HMGCS2: variants seen among roughly 807,000 people sequenced by gnomAD.
HMGCS2 encodes the protein hydroxymethylglutaryl-CoA synthase, mitochondrial.
HMGCS2 carries 50 observed loss-of-function variants against 57.4 expected under a neutral mutation model. The ratio of observed to expected loss-of-function variants is 0.87; its 90% confidence interval spans 0.69 to 1.10. HMGCS2 has a LOEUF of 1.10. Among genes scored for constraint, HMGCS2 ranks in the 50% least tolerant of loss-of-function variants. The pLI, the probability that HMGCS2 is intolerant of heterozygous loss-of-function variation, is 0.00. For synonymous variants in HMGCS2, 254 were observed against 245.1 expected (o/e 1.04, Z -0.34); for missense variants, 627 against 636.5 (o/e 0.99, Z 0.16).
chr1:119,754,069 T>C (rs1356959942), intron 6 of HMGCS2, among the ~76,000 whole-genome samples: 1 of 151,386 alleles, frequency 6.6e-6, no homozygotes, highest in Non-Finnish European at 1.5e-5. Context: ...TTTTTTTTTT[T>C]TTTTTGAGAC....
At position 119,759,862 on chromosome 1, in the gene HMGCS2, A is replaced by T. The variant is rs796051979; in HGVS notation, c.685+2T>A. On this transcript the variant is annotated splice_donor_variant, in intron 3 of 9. Transcript: ENST00000369406. LOFTEE classifies it high-confidence loss of function. ...GCCTCTTGGTAATGGATTACTACAA[A>T]CCTCGCTCCAGGGCCAGAGGGGCCT... 3.7e-6 allele frequency: 6 copies of T among 1,613,762 alleles called. No individual in the cohort carries two copies. In the Admixed American group the frequency reaches 1.0e-4, roughly 27 times the overall value.
intron 2 of HMGCS2, among the ~76,000 whole-genome samples, chr1:119,761,680 G>A (rs756589108): frequency 2.2e-4 from 33 of 151,928 alleles, no homozygotes; most frequent in Admixed American, 3.9e-4. Context: ...CAGAAGAATC[G>A]CTTGAACCTG....
In HMGCS2 at chr1:119,753,410, A is replaced by AACAC. The variant is rs71074435; in HGVS notation, c.1188-28_1188-25dup. 12,153 of 745,684 alleles carry AACAC rather than the reference A, an allele frequency of 0.016. 49 individuals carry two copies. Among genetic ancestry groups the AACAC allele is most frequent in the African/African-American group, 0.032 (1,779 of 56,312 alleles). 46.2% of individuals were successfully genotyped at this position (745,684 alleles called of 1,614,324 possible). ...GGCTGTGGGGAAAGAAATCAAATAA[A>AACAC]ACACACACACACACACACACACACA... On this transcript the variant is annotated intron_variant, in intron 6 of 9. Transcript: ENST00000369406.
intron 2 of HMGCS2, among the ~76,000 whole-genome samples, chr1:119,761,404 G>A (rs1227048723): frequency 5.0e-4 from 76 of 151,942 alleles, no homozygotes; most frequent in Admixed American, 4.9e-3. Flanking sequence ...AAGACAAATT[G>A]GGGGAGTATT....
chr1:119,753,137 C>G (rs1181305267), intron 7 of HMGCS2, 143 bp downstream of exon 7: 1 of 696,736 alleles, frequency 1.4e-6, no homozygotes, highest in Non-Finnish European at 2.6e-6. Flanking sequence ...TTACTCCATG[C>G]TTAAATCCCT....
rs1652524937 is a variant in HMGCS2, at chr1:119,748,275, C to T, written c.*572G>A. The T allele has an allele frequency of 1.3e-5, 2 of 152,220 alleles. No homozygotes were observed. The highest frequency in any genetic ancestry group is 4.1e-4 in the South Asian group (2 of 4,836). 9.4% of individuals were successfully genotyped at this position (152,220 alleles called of 1,614,324 possible). On this transcript the variant is annotated 3_prime_UTR_variant, in exon 10 of 10. Transcript: ENST00000369406. Reference sequence around the variant, plus strand: ...GAATGGAATTGCAAGGGGACAGAGGCAGCCTGTGAGGCAAGGACCCAGCCC... The same window carrying T: ...GAATGGAATTGCAAGGGGACAGAGGTAGCCTGTGAGGCAAGGACCCAGCCC...
At chr1:119,767,010 C>A (rs1368720820) in intron 1 of HMGCS2, among the ~76,000 whole-genome samples, 1 of 152,098 alleles carries the variant, frequency 6.6e-6, no homozygotes, top group East Asian at 1.9e-4. Flanking sequence ...CAAGAACATG[C>A]ACCACACCTT....
At chr1:119,764,952 C>T (rs1342905381) in intron 1 of HMGCS2, among the ~76,000 whole-genome samples, 1 of 152,178 alleles carries the variant, frequency 6.6e-6, no homozygotes, top group Non-Finnish European at 1.5e-5. Flanking sequence ...TTATCTTTAA[C>T]ATACATCTCT....
intron 3 of HMGCS2, chr1:119,759,558 C>T: frequency 1.7e-6 from 1 of 576,570 alleles, no homozygotes. Flanking sequence ...CACTTTATAT[C>T]CAGTTATATA....
Position 119,761,632 on chromosome 1 carries a change from G to C in HMGCS2, c.560-1643C>G, listed in dbSNP as rs1166686057. On this transcript the variant is annotated intron_variant, in intron 2 of 9. Coordinates refer to ENST00000369406, the MANE Select transcript of HMGCS2 (RefSeq NM_005518.4). ...TACAAAAAATGAGCCGGGTGTGGTGGTGGGGTCCTGTAGTCCCAGCTACTC... is the reference window on the plus strand; with the variant it reads ...TACAAAAAATGAGCCGGGTGTGGTGCTGGGGTCCTGTAGTCCCAGCTACTC... 2.0e-5 allele frequency among the ~76,000 whole-genome samples: 3 copies of C among 152,192 alleles called. No individual in the cohort carries two copies. In the East Asian group the frequency reaches 5.8e-4, roughly 29 times the overall value.
chr1:119,759,655 T>C (rs1237974497), intron 3 of HMGCS2, among the ~76,000 whole-genome samples: 1 of 152,194 alleles, frequency 6.6e-6, no homozygotes, highest in Non-Finnish European at 1.5e-5. Context: ...TCCCAATGCC[T>C]GATGATGCAA....
chr1:119,755,221 G>A (rs918090436), intron 6 of HMGCS2, among the ~76,000 whole-genome samples: 5 of 152,028 alleles, frequency 3.3e-5, no homozygotes, highest in East Asian at 1.9e-4. Context: ...TTGCCCAGGC[G>A]GGTCTCGAAC....
intron 6 of HMGCS2, among the ~76,000 whole-genome samples, chr1:119,754,893 A>G (rs966522691): frequency 6.6e-6 from 1 of 152,202 alleles, no homozygotes; most frequent in Non-Finnish European, 1.5e-5. Flanking sequence ...CCTTGACATC[A>G]TGTACTTCAC....
At chr1:119,760,874 A>G (rs1303244888) in intron 2 of HMGCS2, among the ~76,000 whole-genome samples, 3 of 151,958 alleles carry the variant, frequency 2.0e-5, no homozygotes, top group Non-Finnish European at 2.9e-5. Flanking sequence ...TCCCCATCCT[A>G]CAGATGAAGA....
intron 5 of HMGCS2, among the ~76,000 whole-genome samples, chr1:119,756,473 G>GT (rs1652840947): frequency 6.6e-6 from 1 of 152,142 alleles, no homozygotes; most frequent in Admixed American, 6.5e-5. Context: ...GTTTTAGTTA[G>GT]TGGCAGGGTT....
chr1:119,759,472 T>C (rs1652962573), intron 3 of HMGCS2, 190 bp from the exon 4 acceptor site: 9 of 656,376 alleles, frequency 1.4e-5, no homozygotes. Context: ...AAATGAGATG[T>C]ATATTTCCCT....
At chr1:119,750,720 C>A in intron 9 of HMGCS2, 77 bp downstream of exon 9, 2 of 905,428 alleles carry the variant, frequency 2.2e-6, no homozygotes, top group East Asian at 2.5e-5. Context: ...CACCTGTCCC[C>A]ACCTTCTCTC....
intron 2 of HMGCS2, among the ~76,000 whole-genome samples, chr1:119,760,741 G>A (rs1653008984): frequency 6.6e-6 from 1 of 152,120 alleles, no homozygotes; most frequent in Admixed American, 6.5e-5. Flanking sequence ...GGTGAGATAT[G>A]GTAGTAATTT....
intron 2 of HMGCS2, among the ~76,000 whole-genome samples, chr1:119,763,664 G>A (rs1265061589): frequency 6.6e-6 from 1 of 152,200 alleles, no homozygotes; most frequent in Non-Finnish European, 1.5e-5. Flanking sequence ...AAAGCAATAT[G>A]CAAGGAGCCA....
Sources: gnomAD v4.1 joint callset for allele counts (sites outside exome capture counted in the v4.1 genomes callset) on GRCh38, gnomAD v4.1.1 for gene constraint, MANE v1.5 for transcripts, NCBI Gene and HGNC (gene_info 2026-07-23, HGNC 2026-07-21) for gene names.